The following KRTAP5-3 variants were observed in gnomAD, a reference collection of about 807,000 sequenced individuals.
KRTAP5-3 encodes keratin associated protein 5-3, also known as keratin-associated protein 5-3.
In KRTAP5-3, 1 loss-of-function variant was observed where a neutral mutation model predicts 2.3. The ratio of observed to expected loss-of-function variants is 0.44; its 90% CI spans 0.16 to 2.10. KRTAP5-3 has a LOEUF of 2.10. Ranked by LOEUF, KRTAP5-3 falls within the 30% of genes most tolerant of loss-of-function variation. KRTAP5-3 has a pLI of 0.28. For synonymous variants in KRTAP5-3, 92 were observed against 117.6 expected (o/e 0.78, Z 1.41); for missense variants, 229 against 291.4 (o/e 0.79, Z 1.56).
rs1171041054 is a variant in KRTAP5-3 at position 1,607,678 on chromosome 11, G to A, written c.708C>T (p.Cys236=). 6.2e-7 allele frequency: 1 copy of A among 1,614,246 alleles called. No homozygotes were observed. The highest frequency in any genetic ancestry group is 1.7e-5 in the Admixed American group (1 of 60,020). The change falls in exon 1 of 1, where the codon TGC becomes TGT. Residue 236 remains cysteine, a synonymous_variant. Coordinates refer to ENST00000399685, the MANE Select transcript of KRTAP5-3 (RefSeq NM_001012708.2). ...GTTTGTGGGCAGAGCCTCAGATCTT[G>A]CACTGGCAGCAAATTGGGACACAGC... ...SSCCVPICCQ[C]KI
chr11:1,607,643 A>T lies in KRTAP5-3; in HGVS notation c.*26T>A. ...TTCCTGGAGAGCCCGGATCTGTAGG[A>T]CCCACTGAGGTTTGTGGGCAGAGCC... On this transcript the variant is annotated 3_prime_UTR_variant, in exon 1 of 1. Coordinates refer to ENST00000399685, the MANE Select transcript of KRTAP5-3 (RefSeq NM_001012708.2). The T allele has an allele frequency of 6.2e-7, 1 of 1,614,154 alleles. No individual in the cohort carries two copies. Among genetic ancestry groups the T allele is most frequent in the South Asian group, 1.1e-5 (1 of 91,080 alleles).
chr11:1,608,108 A>C lies in KRTAP5-3; in HGVS notation c.278T>G (p.Val93Gly), dbSNP rs779891614. ...SKGGCGSSCC[V>G]PVCCSSSCGS... ...ACAGCTGGAGGAGCAGCAGACGGGCACACAGCAGCTGGAGCCACAGCCCCC... is the reference window on the plus strand; with the variant it reads ...ACAGCTGGAGGAGCAGCAGACGGGCCCACAGCAGCTGGAGCCACAGCCCCC... The change falls in exon 1 of 1, where the codon GTG (valine) becomes GGG (glycine). Residue 93 changes from valine (V) to glycine (G), a missense_variant. Val to Gly is a moderately radical substitution (Grantham distance 109, BLOSUM62 -3). Around this residue, in one of 2 missense-constraint regions of KRTAP5-3, gnomAD observed 190 missense variants for 207.6 expected, o/e 0.92. Transcript: ENST00000399685. 1.9e-5 allele frequency: 27 copies of C among 1,454,542 alleles called. No individual in the cohort carries two copies. The highest frequency in any genetic ancestry group is 2.4e-5 in the Non-Finnish European group (26 of 1,084,024). The allele number at this position is 1,454,542 out of a possible 1,614,324, so 90.1% of individuals were successfully genotyped here. A position where few individuals can be genotyped will look rare whatever the true frequency, so the allele number is the denominator to read the frequency against.
rs1364577981 is a variant in KRTAP5-3, at chr11:1,608,175, C to T, written c.211G>A (p.Gly71Arg). Residue 71 changes from glycine to arginine, a missense_variant, in exon 1 of 1, where the codon GGG becomes AGG. Physicochemically the swap from Gly to Arg is moderately radical, Grantham distance 125 (BLOSUM62 -2). Coordinates refer to ENST00000399685, the MANE Select transcript of KRTAP5-3 (RefSeq NM_001012708.2). Reference sequence around the variant, plus strand: ...GAGCCACAGCCCCCCTTGCAGCCCCCACAAGAGCCACAGACCCCCTTGGAG... The same window carrying T: ...GAGCCACAGCCCCCCTTGCAGCCCCTACAAGAGCCACAGACCCCCTTGGAG... ...GGSKGVCGSC[G>R]GCKGGCGSCG... 1.9e-6 allele frequency: 3 copies of T among 1,604,188 alleles called. No homozygotes were observed. The highest frequency in any genetic ancestry group is 1.4e-5 in the African/African-American group (1 of 73,128).
Position 1,608,231 on chromosome 11 carries a change from C to T in KRTAP5-3, c.155G>A (p.Cys52Tyr). The T allele has an allele frequency of 6.2e-7, 1 of 1,609,808 alleles. No individual in the cohort carries two copies. The highest frequency in any genetic ancestry group is 1.7e-5 in the Admixed American group (1 of 59,662). ...CKPVCCCVPA[C>Y]SCSSCGSCGG... is the part of the protein sequence containing the mutation. ...ACAGGAGCCACAGCTGGAGCAGGAA[C>T]AGGCTGGCACACAGCAGCACACGGG... Residue 52 changes from cysteine to tyrosine, a missense_variant, in exon 1 of 1, where the codon TGT becomes TAT. Cys to Tyr is a radical substitution (Grantham distance 194, BLOSUM62 -2). Transcript: ENST00000399685.
chr11:1,608,231 C>A lies in KRTAP5-3; in HGVS notation c.155G>T (p.Cys52Phe), dbSNP rs770508368. The change falls in exon 1 of 1, where the codon TGT becomes TTT. Residue 52 changes from cysteine (C) to phenylalanine (F), a missense_variant. Coordinates refer to ENST00000399685, the MANE Select transcript of KRTAP5-3 (RefSeq NM_001012708.2). ...ACAGGAGCCACAGCTGGAGCAGGAA[C>A]AGGCTGGCACACAGCAGCACACGGG... is the stretch of plus-strand genomic sequence containing the variant. The part of the protein sequence containing the change: ...CKPVCCCVPA[C>F]SCSSCGSCGG... 2 of 1,609,692 alleles carry A rather than the reference C, an allele frequency of 1.2e-6. No individual in the cohort carries two copies. Among genetic ancestry groups the A allele is most frequent in the Non-Finnish European group, 1.7e-6 (2 of 1,179,284 alleles).
In KRTAP5-3 at chr11:1,608,233, G is replaced by A; in HGVS notation, c.153C>T (p.Ala51=). The change falls in exon 1 of 1, where the codon GCC becomes GCT. Residue 51 remains alanine, a synonymous_variant. Coordinates refer to ENST00000399685, the MANE Select transcript of KRTAP5-3 (RefSeq NM_001012708.2). ...AGGAGCCACAGCTGGAGCAGGAACA[G>A]GCTGGCACACAGCAGCACACGGGCT... ...CCKPVCCCVP[A]CSCSSCGSCG... 1 of 1,608,998 alleles carries A rather than the reference G, an allele frequency of 6.2e-7. No homozygotes were observed. The highest frequency in any genetic ancestry group is 8.5e-7 in the Non-Finnish European group (1 of 1,179,294).
chr11:1,608,455 T>C lies in KRTAP5-3; in HGVS notation c.-70A>G, dbSNP rs2133505710. On this transcript the variant is annotated 5_prime_UTR_variant, in exon 1 of 1. Coordinates refer to ENST00000399685, the MANE Select transcript of KRTAP5-3 (RefSeq NM_001012708.2). Reference sequence around the variant, plus strand: ...AGGGAGGTGTGCAGGTGTGGAGTTCTCTGAGCCCGGGCTCTTTATATTCCT... The same window carrying C: ...AGGGAGGTGTGCAGGTGTGGAGTTCCCTGAGCCCGGGCTCTTTATATTCCT... The C allele has an allele frequency of 6.3e-7, 1 of 1,583,932 alleles. No individual in the cohort carries two copies. Among genetic ancestry groups the C allele is most frequent in the East Asian group, 2.2e-5 (1 of 44,676 alleles).
In KRTAP5-3 at chr11:1,607,805, C is replaced by T. The variant is rs527598636; in HGVS notation, c.581G>A (p.Cys194Tyr). 1 of 1,534,068 alleles carries T rather than the reference C, an allele frequency of 6.5e-7. No individual in the cohort carries two copies. The highest frequency in any genetic ancestry group is 1.8e-5 in the Admixed American group (1 of 56,204). Reference protein sequence around the residue: ...CCQSSCCKPCCSQSSCCKPCC... With the variant: ...CCQSSCCKPCYSQSSCCKPCC... ...GGGCTTACAGCAGCTGGACTGGGAA[C>T]AGCAGGGTTTGCAGCAGCTGGACTG... is the stretch of plus-strand genomic sequence containing the variant. Residue 194 changes from cysteine (C) to tyrosine (Y), a missense_variant, in exon 1 of 1, where the codon TGT (cysteine) becomes TAT (tyrosine). Cys to Tyr is a radical substitution (Grantham distance 194). Coordinates refer to ENST00000399685, the MANE Select transcript of KRTAP5-3 (RefSeq NM_001012708.2).
Position 1,608,440 on chromosome 11 carries a change from G to GT in KRTAP5-3, c.-56_-55insA, listed in dbSNP as rs1849443515. ...AGAGGAGCAGGTGAGAGGGAGGTGT[G>GT]CAGGTGTGGAGTTCTCTGAGCCCGG... On this transcript the variant is annotated 5_prime_UTR_variant, in exon 1 of 1. Coordinates refer to ENST00000399685, the MANE Select transcript of KRTAP5-3 (RefSeq NM_001012708.2). 1.4e-5 allele frequency: 22 copies of GT among 1,594,886 alleles called. No individual in the cohort carries two copies. In the East Asian group the frequency reaches 4.7e-4, roughly 34 times the overall value.
chr11:1,607,688 C>T lies in KRTAP5-3; in HGVS notation c.698G>A (p.Cys233Tyr). The change falls in exon 1 of 1, where the codon TGC becomes TAC. Residue 233 changes from cysteine to tyrosine, a missense_variant. Physicochemically the swap from Cys to Tyr is radical, Grantham distance 194. Coordinates refer to ENST00000399685, the MANE Select transcript of KRTAP5-3 (RefSeq NM_001012708.2). Reference sequence around the variant, plus strand: ...AGAGCCTCAGATCTTGCACTGGCAGCAAATTGGGACACAGCAGCTGGACTG... The same window carrying T: ...AGAGCCTCAGATCTTGCACTGGCAGTAAATTGGGACACAGCAGCTGGACTG... ...SSQSSCCVPI[C>Y]CQCKI The T allele has an allele frequency of 6.2e-7, 1 of 1,614,242 alleles. No homozygotes were observed. Among genetic ancestry groups the T allele is most frequent in the Non-Finnish European group, 8.5e-7 (1 of 1,180,038 alleles).
Position 1,608,463 on chromosome 11 carries a change from C to T in KRTAP5-3, c.-78G>A, listed in dbSNP as rs7129160. On this transcript the variant is annotated 5_prime_UTR_variant, in exon 1 of 1. Coordinates refer to ENST00000399685, the MANE Select transcript of KRTAP5-3 (RefSeq NM_001012708.2). ...GTGCAGGTGTGGAGTTCTCTGAGCC[C>T]GGGCTCTTTATATTCCTGCCCAGGT... 0.081 allele frequency: 128,109 copies of T among 1,574,006 alleles called. 5,360 individuals carry two copies. The highest frequency in any genetic ancestry group is 0.12 in the East Asian group (5,503 of 44,604).
At position 1,607,611 on chromosome 11, in the gene KRTAP5-3, G is replaced by A; in HGVS notation, c.*58C>T. 1 of 1,612,324 alleles carries A rather than the reference G, an allele frequency of 6.2e-7. No individual in the cohort carries two copies. The highest frequency in any genetic ancestry group is 8.5e-7 in the Non-Finnish European group (1 of 1,178,844). Reference sequence around the variant, plus strand: ...TGCTTCAGGAATTCAGGACACAGCTGCAATCATTCCTGGAGAGCCCGGATC... The same window carrying A: ...TGCTTCAGGAATTCAGGACACAGCTACAATCATTCCTGGAGAGCCCGGATC... On this transcript the variant is annotated 3_prime_UTR_variant, in exon 1 of 1. Coordinates refer to ENST00000399685, the MANE Select transcript of KRTAP5-3 (RefSeq NM_001012708.2).
Position 1,607,839 on chromosome 11 carries a change from A to G in KRTAP5-3, c.547T>C (p.Ser183Pro). ...TTGCAGCAGCTGGACTGGCAGCAGG[A>G]TGACCCACAGCCTGAGGAGCAGCAG... ...PCCCSSGCGS[S>P]CCQSSCCKPC... Residue 183 changes from serine (S) to proline (P), a missense_variant, in exon 1 of 1, where the codon TCC (serine) becomes CCC (proline). Transcript: ENST00000399685. 1 of 1,599,086 alleles carries G rather than the reference A, an allele frequency of 6.3e-7. No homozygotes were observed. Among genetic ancestry groups the G allele is most frequent in the Non-Finnish European group, 8.5e-7 (1 of 1,171,500 alleles).
At position 1,608,303 on chromosome 11, in the gene KRTAP5-3, T is replaced by C. The variant is rs7108370; in HGVS notation, c.83A>G (p.Tyr28Cys). Residue 28 changes from tyrosine to cysteine, a missense_variant, in exon 1 of 1, where the codon TAT (tyrosine) becomes TGT (cysteine). This residue lies in a region of KRTAP5-3 where 190 missense variants were observed against 207.6 expected (regional missense o/e 0.92). Coordinates refer to ENST00000399685, the MANE Select transcript of KRTAP5-3 (RefSeq NM_001012708.2). ...GSSCGGCGSG[Y>C]GGCGSGCCVP... The stretch of plus-strand genomic sequence containing the variant: ...ACAGCAGCCGGAGCCACAGCCCCCA[T>C]AGCCGGAGCCACAGCCCCCACAGCT... 1.2e-5 allele frequency: 18 copies of C among 1,560,064 alleles called. No homozygotes were observed. The highest frequency in any genetic ancestry group is 3.5e-5 in the Admixed American group (2 of 57,478).
At position 1,607,859 on chromosome 11, in the gene KRTAP5-3, C is replaced by A. The variant is rs1849430856; in HGVS notation, c.527G>T (p.Cys176Phe). The change falls in exon 1 of 1, where the codon TGC becomes TTC. Residue 176 changes from cysteine to phenylalanine, a missense_variant. Cys to Phe is a radical substitution (Grantham distance 205, BLOSUM62 -2). Coordinates refer to ENST00000399685, the MANE Select transcript of KRTAP5-3 (RefSeq NM_001012708.2). Reference sequence around the variant, plus strand: ...GCAGGATGACCCACAGCCTGAGGAGCAGCAGCAGGGCTTACAGCAGCTGGA... The same window carrying A: ...GCAGGATGACCCACAGCCTGAGGAGAAGCAGCAGGGCTTACAGCAGCTGGA... Reference protein sequence around the residue: ...SQSSCCKPCCCSSGCGSSCCQ... With the variant: ...SQSSCCKPCCFSSGCGSSCCQ... 6.2e-7 allele frequency: 1 copy of A among 1,601,068 alleles called. No homozygotes were observed. Among genetic ancestry groups the A allele is most frequent in the African/African-American group, 1.3e-5 (1 of 74,090 alleles).
In KRTAP5-3 at chr11:1,608,123, C is replaced by A. The variant is rs374397025; in HGVS notation, c.263G>T (p.Gly88Val). The A allele has an allele frequency of 1.0e-5, 16 of 1,598,180 alleles. No homozygotes were observed. The African/African-American group carries it at 1.1e-4, about 11-fold the overall frequency. Residue 88 changes from glycine to valine, a missense_variant, in exon 1 of 1, where the codon GGC becomes GTC. Physicochemically the swap from Gly to Val is moderately radical, Grantham distance 109. This residue lies in a region of KRTAP5-3 where 190 missense variants were observed against 207.6 expected (regional missense o/e 0.92). Coordinates refer to ENST00000399685, the MANE Select transcript of KRTAP5-3 (RefSeq NM_001012708.2). The stretch of plus-strand genomic sequence containing the variant: ...GCAGACGGGCACACAGCAGCTGGAG[C>A]CACAGCCCCCCTTGGAGCCTCCACA... ...GSCGGSKGGC[G>V]SSCCVPVCCS...
Position 1,607,578 on chromosome 11 carries a change from C to T in KRTAP5-3, c.*91G>A. 6.3e-7 allele frequency: 1 copy of T among 1,599,898 alleles called. No homozygotes were observed. The highest frequency in any genetic ancestry group is 1.1e-5 in the South Asian group (1 of 88,016). On this transcript the variant is annotated 3_prime_UTR_variant, in exon 1 of 1. Transcript: ENST00000399685. ...GCCTTAGTCCAGAGGAGGACAGATTCAGAGACGTGCTTCAGGAATTCAGGA... is the reference window on the plus strand; with the variant it reads ...GCCTTAGTCCAGAGGAGGACAGATTTAGAGACGTGCTTCAGGAATTCAGGA...
Position 1,607,975 on chromosome 11 carries a change from G to A in KRTAP5-3, c.411C>T (p.Cys137=). The A allele has an allele frequency of 6.2e-7, 1 of 1,613,850 alleles. No homozygotes were observed. Among genetic ancestry groups the A allele is most frequent in the Non-Finnish European group, 8.5e-7 (1 of 1,179,870 alleles). The change falls in exon 1 of 1, where the codon TGC becomes TGT. Residue 137 remains cysteine, a synonymous_variant. Coordinates refer to ENST00000399685, the MANE Select transcript of KRTAP5-3 (RefSeq NM_001012708.2). ...AGCAGGATGACCCACAGCCTGAGGA[G>A]CAGCAGCAGGGCTTATAGCAGCTGC... The part of the protein sequence containing the change: ...SQCSCYKPCC[C]SSGCGSSCCQ...
In KRTAP5-3 at chr11:1,607,686, A is replaced by C. The variant is rs1399419114; in HGVS notation, c.700T>G (p.Cys234Gly). ...SQSSCCVPIC[C>G]QCKI The stretch of plus-strand genomic sequence containing the variant: ...GCAGAGCCTCAGATCTTGCACTGGC[A>C]GCAAATTGGGACACAGCAGCTGGAC... The change falls in exon 1 of 1, where the codon TGC (cysteine) becomes GGC (glycine). Residue 234 changes from cysteine to glycine, a missense_variant. By Grantham distance (159) the Cys-to-Gly change is radical (BLOSUM62 -3). Transcript: ENST00000399685. 6.2e-7 allele frequency: 1 copy of C among 1,614,124 alleles called. No homozygotes were observed.
Sources: allele counts gnomAD v4.1 joint callset, GRCh38; gene constraint gnomAD v4.1.1; regional missense constraint gnomAD v4.1.1; transcripts MANE v1.5; gene names NCBI Gene and HGNC (gene_info 2026-07-23, HGNC 2026-07-21).